The following AR variants were observed in gnomAD, a reference collection of about 807,000 sequenced individuals.
AR encodes the protein androgen receptor.
AR carries 8 observed loss-of-function variants against 53.9 expected under a neutral mutation model. The observed-to-expected ratio is 0.15, with a 90% confidence interval of 0.09 to 0.27. The LOEUF (loss-of-function observed/expected upper bound fraction) is 0.27, where lower values mean the gene tolerates loss of function less well. AR is among the 10% of genes least tolerant of loss of function. The pLI is 1.00. For missense variants in AR, 639 were observed against 742.5 expected, an observed-to-expected ratio of 0.86 and a Z score of 1.62; for synonymous variants, 359 against 316.4, an observed-to-expected ratio of 1.13 and a Z score of -1.43.
chrX:67,565,758 T>C lies in AR; in HGVS notation c.1616+18996T>C, dbSNP rs748858786. Among the ~76,000 whole-genome samples, 92 of 111,505 alleles carry C rather than the reference T, an allele frequency of 8.3e-4. 1 individual carries two copies. The highest frequency in any genetic ancestry group is 2.9e-3 in the African/African-American group (89 of 30,674). On this transcript the variant is annotated intron_variant, in intron 1 of 7. Transcript: ENST00000374690. Reference sequence around the variant, plus strand: ...CTCAGGCTGGAGTGCAGTGGCAAGGTCTCGTCTCACTGCAACCTCTGCCTC... The same window carrying C: ...CTCAGGCTGGAGTGCAGTGGCAAGGCCTCGTCTCACTGCAACCTCTGCCTC...
chrX:67,668,683 C>G (rs1265473565), intron 2 of AR, among the ~76,000 whole-genome samples: 1 of 110,931 alleles, frequency 9.0e-6, no homozygotes, highest in African/African-American at 3.3e-5. Flanking sequence ...GCCATTGGGT[C>G]CTGGGCTTTT....
At chrX:67,707,407 CT>C (rs2076073477) in intron 3 of AR, among the ~76,000 whole-genome samples, 1 of 111,650 alleles carries the variant, frequency 9.0e-6, no homozygotes, top group African/African-American at 3.3e-5. Context: ...CCTTCTTTGT[CT>C]CTTTTGATCT....
At chrX:67,556,729 G>A (rs1239363594) in intron 1 of AR, among the ~76,000 whole-genome samples, 1 of 111,373 alleles carries the variant, frequency 9.0e-6, no homozygotes, top group Non-Finnish European at 1.9e-5. Context: ...TTGCTGGCCA[G>A]GGAAAACCTT....
At chrX:67,615,831 G>C (rs770007834) in intron 1 of AR, among the ~76,000 whole-genome samples, 1 of 111,600 alleles carries the variant, frequency 9.0e-6, no homozygotes, top group South Asian at 3.7e-4. Flanking sequence ...AAAAAATTAA[G>C]TGGCAAATAT....
intron 1 of AR, among the ~76,000 whole-genome samples, chrX:67,616,018 G>T (rs908293342): frequency 6.3e-5 from 7 of 111,086 alleles, no homozygotes; most frequent in Admixed American, 4.8e-4. Flanking sequence ...AGGGAATGGA[G>T]CTGTAGAGGA....
At chrX:67,608,490 G>T (rs1215555532) in intron 1 of AR, among the ~76,000 whole-genome samples, 2 of 111,610 alleles carry the variant, frequency 1.8e-5, no homozygotes, top group Non-Finnish European at 3.8e-5. Flanking sequence ...GAAGATCCTA[G>T]TTCCTCATCT....
At chrX:67,552,926 T>C (rs1930051355) in intron 1 of AR, among the ~76,000 whole-genome samples, 1 of 112,312 alleles carries the variant, frequency 8.9e-6, no homozygotes, top group Non-Finnish European at 1.9e-5. Flanking sequence ...AAATATATTC[T>C]GGATACATGT....
intron 1 of AR, among the ~76,000 whole-genome samples, chrX:67,638,364 G>T (rs755752802): frequency 6.9e-4 from 77 of 111,512 alleles, no homozygotes; most frequent in African/African-American, 2.5e-3. Context: ...TGGTCAAATG[G>T]TATTTCTAGT....
At chrX:67,557,658 G>A (rs770699673) in intron 1 of AR, among the ~76,000 whole-genome samples, 4 of 111,687 alleles carry the variant, frequency 3.6e-5, no homozygotes, top group Admixed American at 9.5e-5. Context: ...GTGAGCTGGC[G>A]ACAGAACTAG....
intron 2 of AR, among the ~76,000 whole-genome samples, chrX:67,655,957 T>G (rs1926568377): frequency 8.9e-6 from 1 of 112,212 alleles, no homozygotes; most frequent in Admixed American, 9.5e-5. Flanking sequence ...CTGTTGCTAT[T>G]TATACGGATA....
At chrX:67,687,649 T>C (rs994570228) in intron 3 of AR, among the ~76,000 whole-genome samples, 1 of 111,697 alleles carries the variant, frequency 9.0e-6, no homozygotes, top group African/African-American at 3.3e-5. Flanking sequence ...GAAAAAATGT[T>C]CTCCATATGA....
At chrX:67,674,426 G>A (rs918094446) in intron 2 of AR, among the ~76,000 whole-genome samples, 1 of 110,843 alleles carries the variant, frequency 9.0e-6, no homozygotes, top group Non-Finnish European at 1.9e-5. Flanking sequence ...TTCCCTTCAG[G>A]GTGATGAGTT....
rs1285181392 is a variant in AR, at chrX:67,722,912, C to G, written c.2535C>G (p.Cys845Trp). 2 of 1,209,195 alleles carry G rather than the reference C, an allele frequency of 1.7e-6. No homozygotes were observed. ...YIKELDRIIA[C>W]KRKNPTSCSR... is the part of the protein sequence containing the mutation. Reference sequence around the variant, plus strand: ...AGGAACTCGATCGTATCATTGCATGCAAAAGAAAAAATCCCACATCCTGCT... The same window carrying G: ...AGGAACTCGATCGTATCATTGCATGGAAAAGAAAAAATCCCACATCCTGCT... The change falls in exon 7 of 8, where the codon TGC becomes TGG. Residue 845 changes from cysteine (C) to tryptophan (W), a missense_variant. By Grantham distance (215) the Cys-to-Trp change is radical. Around this residue, in one of 5 missense-constraint regions of AR, gnomAD observed 95 missense variants for 196.4 expected, o/e 0.48. Transcript: ENST00000374690.
intron 2 of AR, among the ~76,000 whole-genome samples, chrX:67,643,712 G>C (rs978192989): frequency 4.5e-5 from 5 of 111,892 alleles, no homozygotes; most frequent in African/African-American, 1.6e-4. Flanking sequence ...CTCCCTTCTT[G>C]TTTTCTACTC....
At chrX:67,668,892 A>C (rs958016468) in intron 2 of AR, among the ~76,000 whole-genome samples, 1 of 110,741 alleles carries the variant, frequency 9.0e-6, no homozygotes, top group African/African-American at 3.3e-5. Context: ...TTTTGCAGTA[A>C]CCACTGTAAT....
chrX:67,554,933 AG>A (rs781119135), intron 1 of AR, among the ~76,000 whole-genome samples: 4 of 109,476 alleles, frequency 3.7e-5, no homozygotes, highest in Admixed American at 9.8e-5. Flanking sequence ...AAAAAAAAAA[AG>A]AATCTATCAA....
At chrX:67,658,612 A>G (rs188415031) in intron 2 of AR, among the ~76,000 whole-genome samples, 47 of 111,551 alleles carry the variant, frequency 4.2e-4, no homozygotes, top group African/African-American at 1.5e-3. Context: ...AGTGCACACC[A>G]CCACGCCCAG....
intron 2 of AR, among the ~76,000 whole-genome samples, chrX:67,665,479 A>G (rs1927217202): frequency 8.9e-6 from 1 of 112,132 alleles, no homozygotes; most frequent in Non-Finnish European, 1.9e-5. Context: ...AAAAACAATG[A>G]AGAGCTTTCT....
chrX:67,594,591 A>G (rs894917792), intron 1 of AR, among the ~76,000 whole-genome samples: 4 of 111,804 alleles, frequency 3.6e-5, no homozygotes, highest in Non-Finnish European at 7.5e-5. Context: ...AAAAACTGCA[A>G]ATATTAGCTT....
Sources: gnomAD v4.1 joint callset for allele counts (sites outside exome capture counted in the v4.1 genomes callset) on GRCh38, gnomAD v4.1.1 for gene constraint, gnomAD v4.1.1 regional missense constraint, MANE v1.5 for transcripts, NCBI Gene and HGNC (gene_info 2026-07-23, HGNC 2026-07-21) for gene names.